The following PANX3 variants were observed in gnomAD, a reference collection of about 807,000 sequenced individuals.
The protein encoded by PANX3 is pannexin-3.
PANX3 carries 18 observed loss-of-function variants against 31.5 expected under a neutral mutation model. The observed-to-expected ratio is 0.57, with a 90% confidence interval of 0.39 to 0.85. The LOEUF is 0.85. PANX3 is among the 40% of genes least tolerant of loss of function. The probability of loss-of-function intolerance (pLI) is 0.00; values close to 1 mark genes in which losing one functional copy is unlikely to be tolerated. For synonymous variants in PANX3, 194 were observed against 201.6 expected (o/e 0.96, Z 0.32); for missense variants, 426 against 485.4 (o/e 0.88, Z 1.15).
intron 2 of PANX3, 37 bp downstream of exon 2, chr11:124,613,159 G>T: frequency 6.2e-7 from 1 of 1,603,094 alleles, no homozygotes. Context: ...CTTCACGGCT[G>T]AGTGGAGTGG....
chr11:124,617,556 C>A, intron 3 of PANX3, 68 bp downstream of exon 3: 2 of 1,483,152 alleles, frequency 1.3e-6, no homozygotes, highest in South Asian at 2.3e-5. Context: ...TTTGCATAGT[C>A]ATCTTTAAAT....
At chr11:124,612,736 G>C (rs1722138652) in intron 1 of PANX3, among the ~76,000 whole-genome samples, 1 of 152,192 alleles carries the variant, frequency 6.6e-6, no homozygotes, top group Admixed American at 6.5e-5. Flanking sequence ...GGTGCTCTGA[G>C]AGCAAAGAAC....
chr11:124,618,819 A>AT (rs1038398319), intron 3 of PANX3, among the ~76,000 whole-genome samples: 2 of 151,928 alleles, frequency 1.3e-5, no homozygotes, highest in African/African-American at 2.4e-5. Flanking sequence ...TAATTTTTGT[A>AT]TTTTTTCATA....
chr11:124,611,995 A>T (rs543528028), intron 1 of PANX3, among the ~76,000 whole-genome samples: 4 of 151,596 alleles, frequency 2.6e-5, no homozygotes, highest in Admixed American at 2.6e-4. Flanking sequence ...TAGTATTCAT[A>T]TATTTTATGT....
chr11:124,617,457 G>A lies in PANX3; in HGVS notation c.508G>A (p.Asp170Asn), dbSNP rs372236130. Residue 170 changes from aspartate to asparagine, a missense_variant, in exon 3 of 4, where the codon GAC becomes AAC. Transcript: ENST00000284288. ...HMLKIRQKSS[D>N]PYVFWNELEK... ...GCTGAAGATCCGGCAGAAGAGTTCCGACCCCTATGTGTTCTGGAATGAGCT... is the reference window on the plus strand; with the variant it reads ...GCTGAAGATCCGGCAGAAGAGTTCCAACCCCTATGTGTTCTGGAATGAGCT... 13 of 1,614,106 alleles carry A rather than the reference G, an allele frequency of 8.1e-6. No individual in the cohort carries two copies. Among genetic ancestry groups the A allele is most frequent in the East Asian group, 2.2e-5 (1 of 44,898 alleles).
chr11:124,614,864 A>G (rs1054277869), intron 2 of PANX3, among the ~76,000 whole-genome samples: 1 of 150,784 alleles, frequency 6.6e-6, no homozygotes, highest in African/African-American at 2.4e-5. Context: ...TTTAGTAGAG[A>G]TGGGGTTTTA....
rs74491834 is a variant in PANX3, at chr11:124,619,645, T to G, written c.889T>G (p.Trp297Gly). The G allele has an allele frequency of 6.2e-7, 1 of 1,614,196 alleles. No homozygotes were observed. Among genetic ancestry groups the G allele is most frequent in the Non-Finnish European group, 8.5e-7 (1 of 1,180,038 alleles). ...IIYNLTRLCRWDKRLLSVYEM... is the reference protein window; with the variant it reads ...IIYNLTRLCRGDKRLLSVYEM... ...ATACAACCTCACACGGCTATGTCGG[T>G]GGGACAAACGACTTTTATCTGTCTA... Residue 297 changes from tryptophan (W) to glycine (G), a missense_variant, in exon 4 of 4, where the codon TGG (tryptophan) becomes GGG (glycine). By Grantham distance (184) the Trp-to-Gly change is radical. Transcript: ENST00000284288.
Position 124,620,059 on chromosome 11 carries a change from T to C in PANX3, c.*124T>C, listed in dbSNP as rs1291772545. ...TAAAACTGCTAAGCTTGGATTTAAC[T>C]GAATCATATATCTTTTATCATGTTA... On this transcript the variant is annotated 3_prime_UTR_variant, in exon 4 of 4. Transcript: ENST00000284288. 5.9e-6 allele frequency: 6 copies of C among 1,011,334 alleles called. No individual in the cohort carries two copies. The highest frequency in any genetic ancestry group is 3.3e-5 in the African/African-American group (2 of 61,478). 62.6% of individuals were successfully genotyped at this position (1,011,334 alleles called of 1,614,324 possible).
chr11:124,618,294 CCTCT>C (rs1565395369), intron 3 of PANX3, among the ~76,000 whole-genome samples: 1 of 152,080 alleles, frequency 6.6e-6, no homozygotes, highest in Non-Finnish European at 1.5e-5. Flanking sequence ...GAAAAAAAAT[CCTCT>C]CTATCTTTTG....
In PANX3 at chr11:124,611,522, G is replaced by A. The variant is rs1376229415; in HGVS notation, c.-35G>A. 6.4e-7 allele frequency: 1 copy of A among 1,566,874 alleles called. No individual in the cohort carries two copies. Among genetic ancestry groups the A allele is most frequent in the Non-Finnish European group, 8.7e-7 (1 of 1,151,682 alleles). ...CTCATTCCACCATCCCAGGACCCCT[G>A]CTGCCACCTCTGCACCCCCAAGCTC... On this transcript the variant is annotated 5_prime_UTR_variant, in exon 1 of 4. Transcript: ENST00000284288.
At chr11:124,612,290 A>G (rs917616561) in intron 1 of PANX3, among the ~76,000 whole-genome samples, 2 of 152,174 alleles carry the variant, frequency 1.3e-5, no homozygotes, top group African/African-American at 4.8e-5. Context: ...TAGCATACAC[A>G]TACATCTAGG....
intron 3 of PANX3, 105 bp downstream of exon 3, chr11:124,617,593 A>AGGAT: frequency 2.7e-6 from 3 of 1,123,676 alleles, no homozygotes; most frequent in Non-Finnish European, 4.0e-6. Context: ...CTTCTCAAGA[A>AGGAT]GGCAAAGTGC....
At chr11:124,613,464 G>A (rs561922026) in intron 2 of PANX3, among the ~76,000 whole-genome samples, 105 of 152,226 alleles carry the variant, frequency 6.9e-4, no homozygotes, top group African/African-American at 2.2e-3. Flanking sequence ...CTTAATTTGT[G>A]GGGAGGGGCG....
chr11:124,612,681 G>A (rs1565394200), intron 1 of PANX3, among the ~76,000 whole-genome samples: 1 of 152,150 alleles, frequency 6.6e-6, no homozygotes, highest in African/African-American at 2.4e-5. Context: ...CCATCAAACC[G>A]CAAGCCTTCT....
chr11:124,620,086 C>A lies in PANX3; in HGVS notation c.*151C>A. On this transcript the variant is annotated 3_prime_UTR_variant, in exon 4 of 4. Transcript: ENST00000284288. ...AATCATATATCTTTTATCATGTTAT[C>A]CTAAAAGTGAGAAGACATAACCAAG... The A allele has an allele frequency of 1.2e-6, 1 of 862,718 alleles. No homozygotes were observed. The highest frequency in any genetic ancestry group is 1.7e-6 in the Non-Finnish European group (1 of 584,074). The allele number at this position is 862,718 out of a possible 1,614,324, so 53.4% of individuals were successfully genotyped here.
chr11:124,614,670 CT>C (rs138365917), intron 2 of PANX3, among the ~76,000 whole-genome samples: 5,597 of 95,378 alleles, frequency 0.059, 61 homozygotes, highest in African/African-American at 0.13. Context: ...AACGCCCTTT[CT>C]TTTTTTTTTT....
intron 3 of PANX3, among the ~76,000 whole-genome samples, chr11:124,618,637 A>C (rs1863179633): frequency 6.6e-6 from 1 of 151,912 alleles, no homozygotes; most frequent in African/African-American, 2.4e-5. Context: ...ACCAGAATGT[A>C]CTTTTTTTGG....
rs990936219 is a variant in PANX3, at chr11:124,620,238, T to C, written c.*303T>C. 1.2e-5 allele frequency: 3 copies of C among 259,964 alleles called. No individual in the cohort carries two copies. The highest frequency in any genetic ancestry group is 6.7e-5 in the African/African-American group (3 of 44,974). The allele number at this position is 259,964 out of a possible 1,614,324, so 16.1% of individuals were successfully genotyped here. A position where few individuals can be genotyped will look rare whatever the true frequency, so the allele number is the denominator to read the frequency against. On this transcript the variant is annotated 3_prime_UTR_variant, in exon 4 of 4. Coordinates refer to ENST00000284288, the MANE Select transcript of PANX3 (RefSeq NM_052959.3). The stretch of plus-strand genomic sequence containing the variant: ...CTAGACATGCTGCAAGGAAAGAAGA[T>C]TCTAAAGTCCGTTTATGGAGGCAAT...
In PANX3 at chr11:124,619,443, T is replaced by C. The variant is rs759111482; in HGVS notation, c.687T>C (p.His229=). The change falls in exon 4 of 4, where the codon CAT becomes CAC. Residue 229 remains histidine, a synonymous_variant. Coordinates refer to ENST00000284288, the MANE Select transcript of PANX3 (RefSeq NM_052959.3). The part of the protein sequence containing the change: ...FTSATYLYLG[H]FHLDVFFQEE... ...CCGCCACTTACCTATACCTTGGTCA[T>C]TTCCATCTGGATGTCTTCTTCCAGG... 3.1e-6 allele frequency: 5 copies of C among 1,614,224 alleles called. No homozygotes were observed. In the Admixed American group the frequency reaches 8.3e-5, roughly 27 times the overall value.
Sources: allele counts gnomAD v4.1 joint callset (sites outside exome capture counted in the v4.1 genomes callset), GRCh38; gene constraint gnomAD v4.1.1; transcripts MANE v1.5; gene names NCBI Gene and HGNC (gene_info 2026-07-23, HGNC 2026-07-21).